The following CLRN3 variants were observed in gnomAD, a reference collection of about 807,000 sequenced individuals.
CLRN3 encodes the protein clarin 3, also known as clarin-3.
A neutral mutation model predicts 16.7 loss-of-function variants in CLRN3; 12 were observed. That is an observed-to-expected ratio of 0.72 (90% CI 0.46 to 1.16). The LOEUF (loss-of-function observed/expected upper bound fraction) is 1.16. Among genes scored for constraint, CLRN3 ranks in the 50% most tolerant of loss-of-function variants. CLRN3 has a pLI of 0.00. For missense variants in CLRN3, 296 were observed against 274.2 expected (o/e 1.08, Z -0.56); for synonymous variants, 118 against 113.0 (o/e 1.04, Z -0.28).
chr10:127,890,135 C>T (rs1347981215), intron 1 of CLRN3, among the ~76,000 whole-genome samples: 1 of 152,232 alleles, frequency 6.6e-6, no homozygotes. Flanking sequence ...ATGTGCAATT[C>T]CTTTCAGTAT....
chr10:127,887,936 C>T (rs988579507), intron 1 of CLRN3, among the ~76,000 whole-genome samples: 30 of 152,030 alleles, frequency 2.0e-4, no homozygotes, highest in African/African-American at 5.8e-4. Context: ...GCGTCTGGCC[C>T]GCAGATCCCG....
At chr10:127,889,064 G>A (rs1845229039) in intron 1 of CLRN3, among the ~76,000 whole-genome samples, 1 of 152,210 alleles carries the variant, frequency 6.6e-6, no homozygotes, top group Admixed American at 6.5e-5. Flanking sequence ...AAATCAGACT[G>A]TTCTTGGAAC....
intron 2 of CLRN3, among the ~76,000 whole-genome samples, chr10:127,882,206 T>C (rs2135078659): frequency 6.6e-6 from 1 of 151,780 alleles, no homozygotes; most frequent in Admixed American, 6.6e-5. Context: ...TCGTCCATAG[T>C]GGCTGCCCAT....
Position 127,891,188 on chromosome 10 carries a change from G to A in CLRN3, c.229+1368C>T, listed in dbSNP as rs922013664. Among the ~76,000 whole-genome samples, 8 of 152,208 alleles carry A rather than the reference G, an allele frequency of 5.3e-5. No homozygotes were observed. In the South Asian group the frequency reaches 8.3e-4, roughly 16 times the overall value. Reference sequence around the variant, plus strand: ...TCCCCTGACATCACCATGCTCACCTGCATGCACACAGGGCTTTAGAGCCAG... The same window carrying A: ...TCCCCTGACATCACCATGCTCACCTACATGCACACAGGGCTTTAGAGCCAG... On this transcript the variant is annotated intron_variant, in intron 1 of 2. Coordinates refer to ENST00000368671, the MANE Select transcript of CLRN3 (RefSeq NM_152311.5).
chr10:127,882,054 C>G (rs757227617), intron 2 of CLRN3, among the ~76,000 whole-genome samples: 1 of 152,194 alleles, frequency 6.6e-6, no homozygotes, highest in Admixed American at 6.5e-5. Context: ...GGTGAACCAT[C>G]ATCATACAAG....
Position 127,892,666 on chromosome 10 carries a change from A to G in CLRN3, c.119T>C (p.Val40Ala). 6.2e-7 allele frequency: 1 copy of G among 1,611,972 alleles called. No individual in the cohort carries two copies. The highest frequency in any genetic ancestry group is 8.5e-7 in the Non-Finnish European group (1 of 1,177,998). The change falls in exon 1 of 3, where the codon GTT (valine) becomes GCT (alanine). Residue 40 changes from valine (V) to alanine (A), a missense_variant. By Grantham distance (64) the Val-to-Ala change is moderately conservative. Transcript: ENST00000368671. ...GCTCCCATTTGAAGCAGAGTCTCTA[A>G]CAGCAATTGTACTGGTGATCCATGC... ...TQAWITSTIA[V>A]RDSASNGSIF... is the part of the protein sequence containing the mutation.
At chr10:127,887,816 C>T (rs544793562) in intron 1 of CLRN3, among the ~76,000 whole-genome samples, 11 of 152,308 alleles carry the variant, frequency 7.2e-5, no homozygotes, top group African/African-American at 2.2e-4. Flanking sequence ...AAACACATTC[C>T]GTTCTTTTTC....
Position 127,878,168 on chromosome 10 carries a change from CT to C in CLRN3, c.661del (p.Arg221GlyfsTer37), listed in dbSNP as rs1203917966. On this transcript the variant is annotated frameshift_variant, in exon 3 of 3. Coordinates refer to ENST00000368671, the MANE Select transcript of CLRN3 (RefSeq NM_152311.5). LOFTEE classifies it high-confidence loss of function. ...GAGAATTCAGAATAAAATTCCGTCCCTTGGAGCATATTCCATTGGCTTTCTC... is the reference window on the plus strand; with the variant it reads ...GAGAATTCAGAATAAAATTCCGTCCCTGGAGCATATTCCATTGGCTTTCTC... ...EQRKPMEYAP[R>X]DGILF 6.2e-7 allele frequency: 1 copy of C among 1,613,046 alleles called. No homozygotes were observed. The highest frequency in any genetic ancestry group is 8.5e-7 in the Non-Finnish European group (1 of 1,179,106).
intron 1 of CLRN3, among the ~76,000 whole-genome samples, chr10:127,889,852 G>A (rs749723648): frequency 6.6e-6 from 1 of 152,164 alleles, no homozygotes; most frequent in Admixed American, 6.5e-5. Context: ...TCAAAACACA[G>A]AGTTAAAGGA....
At chr10:127,885,014 T>A (rs559576250) in intron 1 of CLRN3, among the ~76,000 whole-genome samples, 1 of 152,216 alleles carries the variant, frequency 6.6e-6, no homozygotes, top group Non-Finnish European at 1.5e-5. Context: ...GAAAGGCTCT[T>A]TGTTTCCGTT....
At chr10:127,888,035 A>T (rs887919115) in intron 1 of CLRN3, among the ~76,000 whole-genome samples, 1 of 152,164 alleles carries the variant, frequency 6.6e-6, no homozygotes, top group Non-Finnish European at 1.5e-5. Context: ...ATGCAGGAAA[A>T]TGTAACCCTT....
chr10:127,889,934 A>T (rs1845240153), intron 1 of CLRN3, among the ~76,000 whole-genome samples: 1 of 151,910 alleles, frequency 6.6e-6, no homozygotes, highest in East Asian at 1.9e-4. Flanking sequence ...GTGAGCTTAC[A>T]CCTCCTAGCA....
In CLRN3 at chr10:127,880,164, A is replaced by T. The variant is rs759071744; in HGVS notation, c.410-1744T>A. Among the ~76,000 whole-genome samples the T allele has an allele frequency of 4.6e-5, 7 of 152,350 alleles. No homozygotes were observed. In the South Asian group the frequency reaches 1.4e-3, roughly 32 times the overall value. On this transcript the variant is annotated intron_variant, in intron 2 of 2. Coordinates refer to ENST00000368671, the MANE Select transcript of CLRN3 (RefSeq NM_152311.5). ...CCCTCTGAAGCTCTCCAGGTGCCTC[A>T]CAGCCTTAATTATCTTTCATTTTCC...
chr10:127,883,322 A>ATG (rs1845152503), intron 2 of CLRN3, among the ~76,000 whole-genome samples: 1 of 151,844 alleles, frequency 6.6e-6, no homozygotes, highest in African/African-American at 2.4e-5. Context: ...GTGCATGTGT[A>ATG]TGTGTGTGCA....
chr10:127,884,013 C>A, intron 1 of CLRN3, 138 bp from the exon 2 acceptor site: 1 of 777,106 alleles, frequency 1.3e-6, no homozygotes, highest in Non-Finnish European at 2.2e-6. Flanking sequence ...AGCCTCCAAC[C>A]CATGCAAGAA....
intron 2 of CLRN3, among the ~76,000 whole-genome samples, chr10:127,882,830 C>T (rs1456577361): frequency 6.6e-6 from 1 of 152,190 alleles, no homozygotes; most frequent in African/African-American, 2.4e-5. Context: ...GGCTTCATTC[C>T]CAAGGTCCAG....
At chr10:127,890,204 A>T (rs1034807888) in intron 1 of CLRN3, among the ~76,000 whole-genome samples, 3 of 152,196 alleles carry the variant, frequency 2.0e-5, no homozygotes, top group African/African-American at 7.2e-5. Flanking sequence ...CAGAAATTAG[A>T]TCTCCAGAAC....
intron 1 of CLRN3, among the ~76,000 whole-genome samples, chr10:127,888,049 GC>G (rs1845217637): frequency 6.6e-6 from 1 of 152,146 alleles, no homozygotes; most frequent in Non-Finnish European, 1.5e-5. Context: ...AACCCTTCAG[GC>G]CCCACTTGCC....
At chr10:127,882,408 G>A (rs559000202) in intron 2 of CLRN3, among the ~76,000 whole-genome samples, 8 of 152,304 alleles carry the variant, frequency 5.3e-5, no homozygotes, top group Non-Finnish European at 7.3e-5. Flanking sequence ...ATCCCTCACC[G>A]TCCTACCTGT....
Sources: allele counts gnomAD v4.1 joint callset (sites outside exome capture counted in the v4.1 genomes callset), GRCh38; gene constraint gnomAD v4.1.1; transcripts MANE v1.5; gene names NCBI Gene and HGNC (gene_info 2026-07-23, HGNC 2026-07-21).